GRID1: variants seen among roughly 807,000 people sequenced by gnomAD.
GRID1 encodes the protein glutamate ionotropic receptor delta type subunit 1.
A neutral mutation model predicts 98.0 loss-of-function variants in GRID1; 28 were observed. The ratio of observed to expected loss-of-function variants is 0.29; its 90% CI spans 0.21 to 0.39. GRID1 has a LOEUF of 0.39. Ranked by LOEUF, GRID1 falls within the 10% of genes least tolerant of loss-of-function variation. GRID1 has a pLI of 1.00. For missense variants in GRID1, 1,111 were observed against 1,340.5 expected (o/e 0.83, Z 2.67); for synonymous variants, 553 against 538.5 (o/e 1.03, Z -0.37).
At chr10:86,112,907 A>G (rs1272483937) in intron 4 of GRID1, among the ~76,000 whole-genome samples, 2 of 152,070 alleles carry the variant, frequency 1.3e-5, no homozygotes, top group African/African-American at 4.8e-5. Flanking sequence ...GGATTACCCA[A>G]AATTAGGGGG....
chr10:85,720,452 A>G (rs1841687464), intron 12 of GRID1, among the ~76,000 whole-genome samples: 1 of 152,164 alleles, frequency 6.6e-6, no homozygotes, highest in Non-Finnish European at 1.5e-5. Context: ...TAATCATGAT[A>G]GTATGGTGTT....
intron 4 of GRID1, among the ~76,000 whole-genome samples, chr10:86,008,857 G>A (rs11201870): frequency 0.25 from 38,580 of 151,886 alleles, 6,425 homozygotes; most frequent in African/African-American, 0.47. Context: ...TGTCCCCAGC[G>A]ATCCAGCGCC....
intron 2 of GRID1, among the ~76,000 whole-genome samples, chr10:86,215,937 G>A (rs1244558703): frequency 6.6e-6 from 1 of 152,202 alleles, no homozygotes; most frequent in Non-Finnish European, 1.5e-5. Context: ...TGGCACCAGT[G>A]TACTTGCCAA....
At chr10:85,621,450 A>G (rs1226520355) in intron 13 of GRID1, among the ~76,000 whole-genome samples, 2 of 152,060 alleles carry the variant, frequency 1.3e-5, no homozygotes, top group Non-Finnish European at 2.9e-5. Flanking sequence ...GTTAGTCAAG[A>G]TTTTATTTCT....
At chr10:85,978,363 T>A (rs901062118) in intron 4 of GRID1, among the ~76,000 whole-genome samples, 1 of 152,352 alleles carries the variant, frequency 6.6e-6, no homozygotes, top group African/African-American at 2.4e-5. Context: ...CCAAAGGGAC[T>A]GGGTAGCTTA....
At chr10:86,170,825 T>C (rs1845474495) in intron 3 of GRID1, among the ~76,000 whole-genome samples, 1 of 152,238 alleles carries the variant, frequency 6.6e-6, no homozygotes, top group Admixed American at 6.5e-5. Context: ...AATGGATTTC[T>C]GGATCCGTGC....
intron 2 of GRID1, among the ~76,000 whole-genome samples, chr10:86,207,630 T>C (rs1000072768): frequency 4.5e-5 from 6 of 132,770 alleles, no homozygotes; most frequent in Middle Eastern, 7.2e-3. Flanking sequence ...TGCAGTTTCT[T>C]TTTTTTTTTT....
intron 12 of GRID1, among the ~76,000 whole-genome samples, chr10:85,655,488 A>C (rs1255201790): frequency 1.3e-5 from 2 of 152,242 alleles, no homozygotes; most frequent in East Asian, 3.8e-4. Flanking sequence ...TGGAAGAATG[A>C]ACTCTGTTTC....
intron 8 of GRID1, among the ~76,000 whole-genome samples, chr10:85,793,086 T>G (rs1842495652): frequency 6.6e-6 from 1 of 152,110 alleles, no homozygotes; most frequent in African/African-American, 2.4e-5. Flanking sequence ...ATGCCTCCTT[T>G]CTGGAGCTCA....
intron 2 of GRID1, among the ~76,000 whole-genome samples, chr10:86,275,400 C>A (rs1847254082): frequency 6.6e-6 from 1 of 151,640 alleles, no homozygotes; most frequent in Non-Finnish European, 1.5e-5. Flanking sequence ...TTCAAAGGAA[C>A]AAAGTAAATT....
At chr10:85,613,702 CG>C in intron 14 of GRID1, 55 bp from the exon 15 acceptor site, 4 of 1,573,424 alleles carry the variant, frequency 2.5e-6, no homozygotes, top group Middle Eastern at 1.7e-4. Flanking sequence ...ACTCAGCCAC[CG>C]GGGCCCTGGC....
At chr10:85,612,012 G>A (rs997812363) in intron 15 of GRID1, among the ~76,000 whole-genome samples, 2 of 152,220 alleles carry the variant, frequency 1.3e-5, no homozygotes, top group African/African-American at 4.8e-5. Context: ...CTTACATGGA[G>A]ATACACAGAA....
intron 2 of GRID1, among the ~76,000 whole-genome samples, chr10:86,241,230 C>A (rs1846622985): frequency 6.6e-6 from 1 of 152,238 alleles, no homozygotes; most frequent in Non-Finnish European, 1.5e-5. Flanking sequence ...CATGCCCTGG[C>A]CCCCCAGCCC....
intron 2 of GRID1, among the ~76,000 whole-genome samples, chr10:86,310,798 G>A (rs545649291): frequency 4.1e-4 from 63 of 152,130 alleles, no homozygotes; most frequent in Non-Finnish European, 7.2e-4. Flanking sequence ...TTTATTTTTG[G>A]AGCATCCAAA....
rs1842757955 is a variant in GRID1 at position 85,613,601 on chromosome 10, T to G, written c.2407A>C (p.Lys803Gln). 5 of 1,614,076 alleles carry G rather than the reference T, an allele frequency of 3.1e-6. No individual in the cohort carries two copies. The South Asian group carries it at 5.5e-5, about 18-fold the overall frequency. Reference protein sequence around the residue: ...DTGDLDVLKQKWWPHMGRCDL... With the variant: ...DTGDLDVLKQQWWPHMGRCDL... ...CAGCGGCCCATGTGCGGCCACCACT[T>G]CTGCTTCAGCACATCCAGGTCCCCT... Residue 803 changes from lysine to glutamine, a missense_variant, in exon 15 of 16, where the codon AAG (lysine) becomes CAG (glutamine). Transcript: ENST00000327946.
intron 5 of GRID1, among the ~76,000 whole-genome samples, chr10:85,874,471 T>A (rs757411991): frequency 6.6e-6 from 1 of 152,248 alleles, no homozygotes; most frequent in African/African-American, 2.4e-5. Context: ...AGGTTGAATA[T>A]CTTTTATACA....
At chr10:85,935,237 G>T (rs562718781) in intron 4 of GRID1, among the ~76,000 whole-genome samples, 4 of 152,320 alleles carry the variant, frequency 2.6e-5, no homozygotes, top group African/African-American at 9.6e-5. Context: ...GGCTGAGCCA[G>T]AAGAGGATCC....
intron 2 of GRID1, among the ~76,000 whole-genome samples, chr10:86,278,911 A>G (rs527861568): frequency 2.0e-5 from 3 of 152,332 alleles, no homozygotes; most frequent in South Asian, 2.1e-4. Context: ...ATACTTCCCA[A>G]TTTGTTCTAT....
chr10:85,962,658 C>A (rs1842285281), intron 4 of GRID1, among the ~76,000 whole-genome samples: 1 of 152,116 alleles, frequency 6.6e-6, no homozygotes, highest in Non-Finnish European at 1.5e-5. Context: ...AAGGTGCCAC[C>A]CTTGCCCCAG....
Sources: gnomAD v4.1 joint callset for allele counts (sites outside exome capture counted in the v4.1 genomes callset) on GRCh38, gnomAD v4.1.1 for gene constraint, MANE v1.5 for transcripts, NCBI Gene and HGNC (gene_info 2026-07-23, HGNC 2026-07-21) for gene names.